CALCR: variants seen among roughly 807,000 people sequenced by gnomAD.
The protein encoded by CALCR is calcitonin receptor.
In CALCR, 47 loss-of-function variants were observed where a neutral mutation model predicts 59.5. The observed-to-expected ratio is 0.79, with a 90% CI of 0.63 to 1.01. CALCR has a LOEUF of 1.01. Among genes scored for constraint, CALCR ranks in the 50% least tolerant of loss-of-function variants. The pLI is 0.00. For synonymous variants in CALCR, 213 were observed against 211.3 expected (o/e 1.01, Z -0.07); for missense variants, 566 against 597.1 (o/e 0.95, Z 0.54).
intron 2 of CALCR, among the ~76,000 whole-genome samples, chr7:93,572,365 C>A (rs770432891): frequency 1.2e-4 from 18 of 152,110 alleles, no homozygotes; most frequent in Non-Finnish European, 2.5e-4. Flanking sequence ...TTGCATATTA[C>A]AATCACCTAA....
chr7:93,463,314 A>G (rs1193310691), intron 7 of CALCR, among the ~76,000 whole-genome samples: 2 of 151,876 alleles, frequency 1.3e-5, no homozygotes, highest in East Asian at 1.9e-4. Flanking sequence ...AAAAATATAT[A>G]TATTTTTCAT....
chr7:93,487,115 A>G, intron 2 of CALCR, 108 bp from the exon 3 acceptor site: 1 of 608,982 alleles, frequency 1.6e-6, no homozygotes, highest in Non-Finnish European at 2.8e-6. Context: ...TCAACATCCC[A>G]AGACACCCTA....
chr7:93,558,889 T>C (rs1012234525), intron 2 of CALCR, among the ~76,000 whole-genome samples: 1 of 152,068 alleles, frequency 6.6e-6, no homozygotes, highest in African/African-American at 2.4e-5. Context: ...ATGCAAATCC[T>C]TGGGCCTCAC....
intron 2 of CALCR, among the ~76,000 whole-genome samples, chr7:93,510,437 C>A (rs966292347): frequency 4.6e-5 from 7 of 152,144 alleles, no homozygotes; most frequent in Non-Finnish European, 7.4e-5. Context: ...AGGGAGGCAC[C>A]CATCAGTGAG....
chr7:93,511,081 TTCTC>T (rs1210781088), intron 2 of CALCR, among the ~76,000 whole-genome samples: 2 of 143,294 alleles, frequency 1.4e-5, no homozygotes, highest in East Asian at 2.0e-4. Context: ...CTCTCTCTCT[TTCTC>T]TCTCTCTCTC....
At chr7:93,449,654 A>G (rs1425196590) in intron 8 of CALCR, among the ~76,000 whole-genome samples, 1 of 152,048 alleles carries the variant, frequency 6.6e-6, no homozygotes, top group Non-Finnish European at 1.5e-5. Context: ...ATTCAATATT[A>G]TTTTATCAAG....
intron 2 of CALCR, among the ~76,000 whole-genome samples, chr7:93,504,254 A>C (rs1017493548): frequency 6.6e-6 from 1 of 152,178 alleles, no homozygotes; most frequent in Non-Finnish European, 1.5e-5. Context: ...CCAACAGGGA[A>C]AAAAACCAAC....
chr7:93,447,547 T>C (rs1362669775), intron 8 of CALCR, among the ~76,000 whole-genome samples: 1 of 151,746 alleles, frequency 6.6e-6, no homozygotes, highest in Non-Finnish European at 1.5e-5. Context: ...GTATGAGAAA[T>C]AGAGGAAGAC....
intron 6 of CALCR, among the ~76,000 whole-genome samples, chr7:93,469,944 C>T (rs1393550853): frequency 6.6e-6 from 1 of 151,534 alleles, no homozygotes; most frequent in East Asian, 1.9e-4. Context: ...GGATTGAAGC[C>T]CTAGTCAGCT....
At chr7:93,531,802 G>T (rs1315861380) in intron 2 of CALCR, among the ~76,000 whole-genome samples, 1 of 151,686 alleles carries the variant, frequency 6.6e-6, no homozygotes, top group Admixed American at 6.6e-5. Context: ...CCAAAGATTG[G>T]GTTAACTAAA....
intron 2 of CALCR, among the ~76,000 whole-genome samples, chr7:93,525,775 A>T (rs1322943732): frequency 6.6e-6 from 1 of 152,178 alleles, no homozygotes; most frequent in Admixed American, 6.5e-5. Flanking sequence ...TAATGGCTTC[A>T]AATATTTTTC....
chr7:93,475,425 G>A lies in CALCR; in HGVS notation c.316+2133C>T, dbSNP rs142514018. On this transcript the variant is annotated intron_variant, in intron 5 of 13. Coordinates refer to ENST00000426151, the MANE Select transcript of CALCR (RefSeq NM_001742.4). ...TTAGCACTAATCAGCACAAAAAATT[G>A]ATGTTGAAAATTTGTCGATTATTTT... 2.6e-3 allele frequency among the ~76,000 whole-genome samples: 391 copies of A among 151,822 alleles called. 3 individuals are homozygous for A. Among genetic ancestry groups the A allele is most frequent in the African/African-American group, 8.4e-3 (349 of 41,488 alleles).
At chr7:93,532,725 C>A (rs1788872117) in intron 2 of CALCR, among the ~76,000 whole-genome samples, 1 of 149,616 alleles carries the variant, frequency 6.7e-6, no homozygotes, top group Admixed American at 6.8e-5. Flanking sequence ...GGAAGCAATT[C>A]TTTACAATAC....
At chr7:93,516,611 T>C (rs184370800) in intron 2 of CALCR, among the ~76,000 whole-genome samples, 2 of 151,972 alleles carry the variant, frequency 1.3e-5, no homozygotes, top group Non-Finnish European at 2.9e-5. Flanking sequence ...TAGGAACCAT[T>C]ATGGCCAGTA....
chr7:93,460,572 A>AAAAAATATATAT (rs1554397787), intron 8 of CALCR, among the ~76,000 whole-genome samples: 3 of 66,514 alleles, frequency 4.5e-5, no homozygotes, highest in African/African-American at 3.0e-4. Flanking sequence ...AAAAAAAAAA[A>AAAAAATATATAT]ATATATATAT....
intron 2 of CALCR, among the ~76,000 whole-genome samples, chr7:93,488,094 G>A (rs1356693469): frequency 1.3e-5 from 2 of 151,656 alleles, no homozygotes; most frequent in Non-Finnish European, 3.0e-5. Context: ...AGAGATTGGA[G>A]GCCAATATTC....
At chr7:93,522,782 AT>A (rs763879492) in intron 2 of CALCR, among the ~76,000 whole-genome samples, 1 of 152,102 alleles carries the variant, frequency 6.6e-6, no homozygotes, top group Non-Finnish European at 1.5e-5. Flanking sequence ...AGTTCCTCTC[AT>A]GTTAGTATGA....
intron 2 of CALCR, among the ~76,000 whole-genome samples, chr7:93,549,283 T>G (rs981370861): frequency 6.6e-6 from 1 of 152,158 alleles, no homozygotes; most frequent in Admixed American, 6.5e-5. Flanking sequence ...AGACCAATTT[T>G]TTTTTGTAAG....
intron 8 of CALCR, among the ~76,000 whole-genome samples, chr7:93,460,568 A>ATATATATAT (rs1205349964): frequency 1.2e-5 from 1 of 80,012 alleles, no homozygotes; most frequent in African/African-American, 9.1e-5. Context: ...AAAAAAAAAA[A>ATATATATAT]AAAAATATAT....
Sources: allele counts gnomAD v4.1 joint callset (sites outside exome capture counted in the v4.1 genomes callset), GRCh38; gene constraint gnomAD v4.1.1; transcripts MANE v1.5; gene names NCBI Gene and HGNC (gene_info 2026-07-23, HGNC 2026-07-21).